KLK2: variants seen among roughly 807,000 people sequenced by gnomAD.
KLK2 encodes the protein kallikrein related peptidase 2.
In KLK2, 17 loss-of-function variants were observed where a neutral mutation model predicts 23.0. The observed-to-expected ratio is 0.74, with a 90% CI of 0.51 to 1.11. KLK2 has a LOEUF of 1.11. Among genes scored for constraint, KLK2 ranks in the 50% least tolerant of loss-of-function variants. KLK2 has a pLI of 0.00. For synonymous variants in KLK2, 140 were observed against 124.7 expected (o/e 1.12, Z -0.82); for missense variants, 330 against 325.9 (o/e 1.01, Z -0.10).
chr19:50,878,304 T>TG, intron 4 of KLK2, 100 bp from the exon 5 acceptor site: 1 of 1,132,708 alleles, frequency 8.8e-7, no homozygotes, highest in South Asian at 1.6e-5. Flanking sequence ...AGCTGGGAAT[T>TG]GCTCTCAGTC....
At position 50,879,308 on chromosome 19, in the gene KLK2, G is replaced by A. The variant is rs1378398972; in HGVS notation, c.*749G>A. 8.6e-6 allele frequency: 2 copies of A among 232,464 alleles called. No individual in the cohort carries two copies. The highest frequency in any genetic ancestry group is 1.2e-4 in the East Asian group (2 of 16,496). The allele number at this position is 232,464 out of a possible 1,614,324, so 14.4% of individuals were successfully genotyped here. A position where few individuals can be genotyped will look rare whatever the true frequency, so the allele number is the denominator to read the frequency against. ...AAACAGATGTATAGATTAGAGTGTG[G>A]AGAAAACAGAGGAAAACTTGCAGTT... On this transcript the variant is annotated 3_prime_UTR_variant, in exon 5 of 5. Transcript: ENST00000325321.
At chr19:50,877,119 T>C (rs2090297611) in intron 4 of KLK2, 111 bp downstream of exon 4, 3 of 1,428,346 alleles carry the variant, frequency 2.1e-6, no homozygotes, top group Non-Finnish European at 2.9e-6. Flanking sequence ...TCCCCAGCTA[T>C]AGCCACGCCC....
At chr19:50,876,367 T>C in intron 2 of KLK2, 105 bp from the exon 3 acceptor site, 4 of 1,028,158 alleles carry the variant, frequency 3.9e-6, no homozygotes, top group Non-Finnish European at 5.8e-6. Flanking sequence ...TGTGCTTTTC[T>C]CACTGTTTCT....
chr19:50,877,686 C>T (rs1489196042), intron 4 of KLK2: 2 of 156,314 alleles, frequency 1.3e-5, no homozygotes, highest in South Asian at 2.0e-4. Context: ...CACAGGAGGA[C>T]ACTGCTTTTC....
At chr19:50,873,794 T>C (rs1185656513) in intron 1 of KLK2, 3 of 506,174 alleles carry the variant, frequency 5.9e-6, no homozygotes, top group Non-Finnish European at 1.0e-5. Context: ...GTGTTTCTCT[T>C]TATGGGGTTC....
At chr19:50,875,806 AC>A (rs1349128617) in intron 2 of KLK2, 1 of 153,852 alleles carries the variant, frequency 6.5e-6, no homozygotes, top group African/African-American at 2.4e-5. Context: ...CTCAGAAAAA[AC>A]AAACAAACAA....
rs375071124 is a variant in KLK2 at position 50,876,699 on chromosome 19, A to G, written c.434A>G (p.Glu145Gly). The stretch of plus-strand genomic sequence containing the variant: ...AAGGTCCTGGGCCTGCCCACCCAGG[A>G]GCCAGCACTGGGGACCACCTGCTAC... ...VVKVLGLPTQ[E>G]PALGTTCYAS... Residue 145 changes from glutamate (E) to glycine (G), a missense_variant, in exon 3 of 5, where the codon GAG becomes GGG. Physicochemically the swap from Glu to Gly is moderately conservative, Grantham distance 98. Transcript: ENST00000325321. The G allele has an allele frequency of 1.9e-6, 3 of 1,614,184 alleles. No individual in the cohort carries two copies. The highest frequency in any genetic ancestry group is 2.5e-6 in the Non-Finnish European group (3 of 1,180,042).
Position 50,875,837 on chromosome 19 carries a change from G to A in KLK2, c.207-635G>A, listed in dbSNP as rs377209800. ...AAACAAACAAACAACAAAAAAAATC[G>A]AAAGGAGGGGAAGGGAGCTGGAGAG... On this transcript the variant is annotated intron_variant, in intron 2 of 4. Transcript: ENST00000325321. 3.2e-3 allele frequency: 494 copies of A among 154,116 alleles called. 1 individual carries two copies. The highest frequency in any genetic ancestry group is 0.011 in the African/African-American group (470 of 41,474). 9.5% of individuals were successfully genotyped at this position (154,116 alleles called of 1,614,324 possible).
chr19:50,878,113 G>A (rs59352575), intron 4 of KLK2, among the ~76,000 whole-genome samples: 12 of 152,270 alleles, frequency 7.9e-5, no homozygotes, highest in African/African-American at 2.9e-4. Context: ...AGATGGTCCC[G>A]GCCCTCATCC....
rs112788699 is a variant in KLK2 at position 50,878,359 on chromosome 19, T to A, written c.631-45T>A. The A allele has an allele frequency of 3.0e-5, 48 of 1,574,406 alleles. 1 individual carries two copies. The African/African-American group carries it at 3.8e-4, about 12-fold the overall frequency. ...AGAGATGGAGTTGCCTAGGCAGTTA[T>A]TGGGGCCAATCTTTCTCACTGTGTC... On this transcript the variant is annotated intron_variant, in intron 4 of 4. Transcript: ENST00000325321.
chr19:50,877,559 G>T (rs198975), intron 4 of KLK2: 76,475 of 159,324 alleles, frequency 0.48, 22,305 homozygotes, highest in African/African-American at 0.84. Flanking sequence ...AGGAGGGGCC[G>T]GGAGGGCGTG....
At position 50,878,636 on chromosome 19, in the gene KLK2, C is replaced by A; in HGVS notation, c.*77C>A. 7.0e-7 allele frequency: 1 copy of A among 1,421,376 alleles called. No individual in the cohort carries two copies. The highest frequency in any genetic ancestry group is 9.8e-7 in the Non-Finnish European group (1 of 1,023,424). The allele number at this position is 1,421,376 out of a possible 1,614,324, so 88.0% of individuals were successfully genotyped here. On this transcript the variant is annotated 3_prime_UTR_variant, in exon 5 of 5. Coordinates refer to ENST00000325321, the MANE Select transcript of KLK2 (RefSeq NM_005551.5). Reference sequence around the variant, plus strand: ...TGGCATCACTTGGCCTTTCTGGATGCTGGACACCTGAAGCTTGGAACTCAC... The same window carrying A: ...TGGCATCACTTGGCCTTTCTGGATGATGGACACCTGAAGCTTGGAACTCAC...
In KLK2 at chr19:50,876,655, C is replaced by T. The variant is rs1231500675; in HGVS notation, c.390C>T (p.Ala130=). ...TGCTGCTCCGCCTGTCAGAGCCTGC[C>T]AAGATCACAGATGTTGTGAAGGTCC... ...DLMLLRLSEP[A]KITDVVKVLG... Residue 130 remains alanine (A), a synonymous_variant, in exon 3 of 5, where the codon GCC becomes GCT. Transcript: ENST00000325321. The T allele has an allele frequency of 6.2e-7, 1 of 1,614,186 alleles. No homozygotes were observed. Among genetic ancestry groups the T allele is most frequent in the South Asian group, 1.1e-5 (1 of 91,078 alleles).
chr19:50,874,475 C>T (rs2090262005), intron 1 of KLK2: 1 of 413,530 alleles, frequency 2.4e-6, no homozygotes, highest in South Asian at 4.5e-5. Flanking sequence ...TTCCCATGTC[C>T]CCTACTCTGA....
intron 2 of KLK2, among the ~76,000 whole-genome samples, chr19:50,875,426 G>A (rs2090272811): frequency 6.6e-6 from 1 of 152,226 alleles, no homozygotes; most frequent in African/African-American, 2.4e-5. Flanking sequence ...TCCACCCTGG[G>A]GAGACACAGG....
intron 2 of KLK2, 134 bp downstream of exon 2, chr19:50,875,014 C>T (rs773739900): frequency 7.1e-7 from 1 of 1,402,078 alleles, no homozygotes; most frequent in Non-Finnish European, 9.3e-7. Context: ...GCCCAGGTCG[C>T]ACCCGGAGGC....
chr19:50,877,172 A>T, intron 4 of KLK2, 164 bp downstream of exon 4: 1 of 789,342 alleles, frequency 1.3e-6, no homozygotes, highest in Admixed American at 2.5e-5. Flanking sequence ...CCCTTCCCTG[A>T]CTCCCTCAAC....
In KLK2 at chr19:50,876,482, G is replaced by T; in HGVS notation, c.217G>T (p.Val73Phe). 6.2e-7 allele frequency: 1 copy of T among 1,613,986 alleles called. No homozygotes were observed. The highest frequency in any genetic ancestry group is 8.5e-7 in the Non-Finnish European group (1 of 1,180,010). Reference protein sequence around the residue: ...AAHCLKKNSQVWLGRHNLFEP... With the variant: ...AAHCLKKNSQFWLGRHNLFEP... ...CCCCTTCCTCCCCAGGAATAGCCAG[G>T]TCTGGCTGGGTCGGCACAACCTGTT... The change falls in exon 3 of 5, where the codon GTC becomes TTC. Residue 73 changes from valine to phenylalanine, a missense_variant. Val to Phe is a conservative substitution (Grantham distance 50). Coordinates refer to ENST00000325321, the MANE Select transcript of KLK2 (RefSeq NM_005551.5).
At chr19:50,876,048 T>A (rs2090283859) in intron 2 of KLK2, 1 of 222,484 alleles carries the variant, frequency 4.5e-6, no homozygotes, top group South Asian at 6.7e-5. Context: ...CCTGGCTTCC[T>A]CTCTGCTGTT....
Sources: gnomAD v4.1 joint callset for allele counts (sites outside exome capture counted in the v4.1 genomes callset) on GRCh38, gnomAD v4.1.1 for gene constraint, MANE v1.5 for transcripts, NCBI Gene and HGNC (gene_info 2026-07-23, HGNC 2026-07-21) for gene names.